ADAMTSL1: variants seen among roughly 807,000 people sequenced by gnomAD.
The protein encoded by ADAMTSL1 is ADAMTS-like protein 1.
In ADAMTSL1, 126 loss-of-function variants were observed where a neutral mutation model predicts 201.8. The ratio of observed to expected loss-of-function variants is 0.62; its 90% CI spans 0.54 to 0.72. The LOEUF is 0.72. Among genes scored for constraint, ADAMTSL1 ranks in the 30% least tolerant of loss-of-function variants. The probability of loss-of-function intolerance (pLI) is 0.00; values close to 1 mark genes in which losing one functional copy is unlikely to be tolerated. For missense variants in ADAMTSL1, 2,679 were observed against 2,277.8 expected (o/e 1.18, Z -3.59); for synonymous variants, 1,121 against 903.4 (o/e 1.24, Z -4.32).
At chr9:18,390,817 C>T (rs1451572366) in intron 2 of ADAMTSL1, among the ~76,000 whole-genome samples, 2 of 151,824 alleles carry the variant, frequency 1.3e-5, no homozygotes, top group Non-Finnish European at 1.5e-5. Flanking sequence ...CAAAAAAAAA[C>T]ACCACCTCAA....
rs1225214581 is a variant in ADAMTSL1, at chr9:18,908,544, C to G, written c.5285C>G (p.Ala1762Gly). ...CGCTGCTGTGGAACTTGTGGCAAAG[C>G]GTGAAGATAGGGTGTGGGGAAAAAC... ...KSRCCGTCGK[A>G] The change falls in exon 29 of 29, where the codon GCG (alanine) becomes GGG (glycine). Residue 1762 changes from alanine (A) to glycine (G), a missense_variant. Physicochemically the swap from Ala to Gly is moderately conservative, Grantham distance 60. Coordinates refer to ENST00000380548, the MANE Select transcript of ADAMTSL1 (RefSeq NM_001040272.6). 2.6e-6 allele frequency: 4 copies of G among 1,558,980 alleles called. No individual in the cohort carries two copies. The highest frequency in any genetic ancestry group is 3.5e-6 in the Non-Finnish European group (4 of 1,151,382).
At chr9:18,844,122 A>T (rs1048213375) in intron 23 of ADAMTSL1, among the ~76,000 whole-genome samples, 1 of 151,836 alleles carries the variant, frequency 6.6e-6, no homozygotes, top group Admixed American at 6.6e-5. Context: ...TGTTTTTTAG[A>T]GTTTCCAGTT....
chr9:18,787,987 G>GTTAAGAATGT (rs1821800715), intron 19 of ADAMTSL1, among the ~76,000 whole-genome samples: 1 of 152,200 alleles, frequency 6.6e-6, no homozygotes, highest in Non-Finnish European at 1.5e-5. Context: ...GAAGACCAGG[G>GTTAAGAATGT]TTAAGAATGT....
intron 13 of ADAMTSL1, among the ~76,000 whole-genome samples, chr9:18,693,836 C>T (rs1831385497): frequency 6.6e-6 from 1 of 152,110 alleles, no homozygotes; most frequent in South Asian, 2.1e-4. Context: ...TGGAAAGATG[C>T]TCAAAGATGT....
At chr9:18,655,806 T>TAAAAAAAAAAAAAAAAAAAAAAAAAAA (rs56662538) in intron 7 of ADAMTSL1, among the ~76,000 whole-genome samples, 14 of 81,844 alleles carry the variant, frequency 1.7e-4, no homozygotes, top group African/African-American at 2.6e-4. Context: ...TTTGTGAGCT[T>TAAAAAAAAAAAAAAAAAAAAAAAAAAA]AAAAAAAAAA....
At chr9:18,020,963 A>C (rs1820456970) in intron 1 of ADAMTSL1, among the ~76,000 whole-genome samples, 2 of 152,064 alleles carry the variant, frequency 1.3e-5, no homozygotes, top group South Asian at 4.1e-4. Flanking sequence ...TTAAATCCCT[A>C]GTCATCTGGG....
At chr9:17,974,325 A>G (rs1316996538) in intron 1 of ADAMTSL1, among the ~76,000 whole-genome samples, 2 of 152,086 alleles carry the variant, frequency 1.3e-5, no homozygotes, top group African/African-American at 4.8e-5. Context: ...TGCATATGAC[A>G]TGATTGTATA....
chr9:17,908,131 C>T (rs536992177), intron 1 of ADAMTSL1, among the ~76,000 whole-genome samples: 1 of 152,248 alleles, frequency 6.6e-6, no homozygotes, highest in South Asian at 2.1e-4. Flanking sequence ...GCAGGGATTA[C>T]TCTCATCAGT....
chr9:18,287,449 T>C (rs922747020), intron 2 of ADAMTSL1, among the ~76,000 whole-genome samples: 10 of 151,678 alleles, frequency 6.6e-5, no homozygotes, highest in Non-Finnish European at 1.2e-4. Flanking sequence ...TATGTATGTG[T>C]ATTTTACACA....
intron 2 of ADAMTSL1, among the ~76,000 whole-genome samples, chr9:18,250,448 T>A (rs1427517502): frequency 6.6e-6 from 1 of 152,182 alleles, no homozygotes; most frequent in African/African-American, 2.4e-5. Flanking sequence ...AAGTAGGGGA[T>A]GTGGTTGCCC....
intron 2 of ADAMTSL1, among the ~76,000 whole-genome samples, chr9:18,192,684 C>A (rs1454949810): frequency 2.6e-5 from 4 of 152,046 alleles, no homozygotes; most frequent in Non-Finnish European, 4.4e-5. Flanking sequence ...CAGTACTACA[C>A]TTTTACTAGA....
At chr9:18,689,371 T>A (rs1831071214) in intron 13 of ADAMTSL1, among the ~76,000 whole-genome samples, 1 of 152,056 alleles carries the variant, frequency 6.6e-6, no homozygotes, top group African/African-American at 2.4e-5. Context: ...AAAGAAATGT[T>A]GTTGGATAGG....
chr9:18,830,504 A>G (rs1588185020), intron 23 of ADAMTSL1, among the ~76,000 whole-genome samples: 1 of 152,308 alleles, frequency 6.6e-6, no homozygotes, highest in South Asian at 2.1e-4. Context: ...GCAAGTGCTG[A>G]ACTAATTTCA....
intron 1 of ADAMTSL1, among the ~76,000 whole-genome samples, chr9:17,940,968 A>T (rs78757190): frequency 0.011 from 1,668 of 151,734 alleles, 28 homozygotes; most frequent in African/African-American, 0.039. Context: ...TTTCCTACAA[A>T]TCCTACAAAT....
At chr9:18,150,855 A>G (rs1331090) in intron 1 of ADAMTSL1, among the ~76,000 whole-genome samples, 73,794 of 151,674 alleles carry the variant, frequency 0.49, 18,235 homozygotes, top group Admixed American at 0.57. Flanking sequence ...TCAGGGGCAC[A>G]GAAGTTTGGG....
chr9:18,037,005 C>T (rs1419686910), intron 1 of ADAMTSL1, among the ~76,000 whole-genome samples: 1 of 152,176 alleles, frequency 6.6e-6, no homozygotes, highest in East Asian at 1.9e-4. Flanking sequence ...TCTCTTTTGT[C>T]CCCTCCCTTT....
chr9:18,360,204 C>G (rs1054116188), intron 2 of ADAMTSL1, among the ~76,000 whole-genome samples: 1 of 152,196 alleles, frequency 6.6e-6, no homozygotes, highest in Non-Finnish European at 1.5e-5. Flanking sequence ...GCCTCTGTCT[C>G]TTTATCTCAA....
intron 15 of ADAMTSL1, among the ~76,000 whole-genome samples, chr9:18,740,212 T>G (rs1437981549): frequency 6.6e-6 from 1 of 152,084 alleles, no homozygotes; most frequent in African/African-American, 2.4e-5. Context: ...GAAAAGAGCC[T>G]GCTGGCCATT....
chr9:18,399,204 T>C (rs1303031179), intron 2 of ADAMTSL1, among the ~76,000 whole-genome samples: 3 of 147,566 alleles, frequency 2.0e-5, no homozygotes, highest in Non-Finnish European at 4.5e-5. Context: ...AACAGTCTTT[T>C]CTTTGCCCAG....
Sources: gnomAD v4.1 joint callset for allele counts (sites outside exome capture counted in the v4.1 genomes callset) on GRCh38, gnomAD v4.1.1 for gene constraint, MANE v1.5 for transcripts, NCBI Gene and HGNC (gene_info 2026-07-23, HGNC 2026-07-21) for gene names.